The following SMTN variants were observed in gnomAD, a reference collection of about 807,000 sequenced individuals.
SMTN encodes the protein smoothelin.
In SMTN, 58 loss-of-function variants were observed where a neutral mutation model predicts 102.0. The observed-to-expected ratio is 0.57, with a 90% CI of 0.46 to 0.71. The LOEUF is 0.71. Ranked by LOEUF, SMTN falls within the 30% of genes least tolerant of loss-of-function variation. The probability of loss-of-function intolerance (pLI) is 0.00; values close to 1 mark genes in which losing one functional copy is unlikely to be tolerated. For missense variants in SMTN, 1,185 were observed against 1,241.7 expected (o/e 0.95, Z 0.69); for synonymous variants, 478 against 497.9 (o/e 0.96, Z 0.53).
chr22:31,073,478 A>C (rs2042056903), intron 1 of SMTN, among the ~76,000 whole-genome samples: 3 of 152,098 alleles, frequency 2.0e-5, no homozygotes, highest in Admixed American at 2.0e-4. Context: ...GCCTCCTTTG[A>C]TTTTCTGATT....
intron 11 of SMTN, among the ~76,000 whole-genome samples, chr22:31,094,770 C>G (rs931405354): frequency 6.6e-6 from 1 of 151,530 alleles, no homozygotes; most frequent in Admixed American, 6.6e-5. Flanking sequence ...CAGCCTCTAA[C>G]TCCTGGGCTC....
chr22:31,074,382 T>TA (rs199674178), intron 1 of SMTN, among the ~76,000 whole-genome samples: 4,643 of 151,450 alleles, frequency 0.031, 108 homozygotes, highest in Middle Eastern at 0.092. Flanking sequence ...TCTTAAAAAA[T>TA]AAAAAAGAGC....
chr22:31,080,727 G>C (rs537894487), upstream of SMTN: 1 of 152,402 alleles, frequency 6.6e-6, no homozygotes, highest in Admixed American at 6.5e-5. Context: ...GTAGAAGCAT[G>C]CTACAAGAAG....
chr22:31,087,582 C>T (rs1265611837), intron 2 of SMTN, among the ~76,000 whole-genome samples: 1 of 152,180 alleles, frequency 6.6e-6, no homozygotes, highest in Non-Finnish European at 1.5e-5. Context: ...CTCTAGGGAC[C>T]CTGTTAGTGA....
At position 31,090,980 on chromosome 22, in the gene SMTN, C is replaced by T. The variant is rs766142298; in HGVS notation, c.957C>T (p.Ser319=). 3.4e-5 allele frequency: 55 copies of T among 1,613,218 alleles called. No homozygotes were observed. The South Asian group carries it at 5.1e-4, about 15-fold the overall frequency. ...AQNRESTPLA[S]GPSSFQRAGS... ...TTCTAGAGTCCACCCCCCTTGCCAG[C>T]GGACCTTCCTCATTCCAGCGGGCTG... is the stretch of plus-strand genomic sequence containing the variant. The change falls in exon 10 of 21, where the codon AGC becomes AGT. Residue 319 remains serine (S), a synonymous_variant. Coordinates refer to ENST00000333137, the MANE Select transcript of SMTN (RefSeq NM_134269.3).
rs778333150 is a variant in SMTN, at chr22:31,092,344, G to T, written c.1632+497G>T. On this transcript the variant is annotated intron_variant, in intron 11 of 20. Transcript: ENST00000333137. ...CATCTGCGTCAACCTCCCTGTGGGG[G>T]TTGGGCAGAAGCTCTGAGGGGGGAC... The T allele has an allele frequency of 6.9e-6, 3 of 435,374 alleles. No individual in the cohort carries two copies. The Admixed American group carries it at 7.3e-5, about 11-fold the overall frequency. The allele number at this position is 435,374 out of a possible 1,614,324, so 27.0% of individuals were successfully genotyped here.
Position 31,088,774 on chromosome 22 carries a change from G to A in SMTN, c.370G>A (p.Glu124Lys), listed in dbSNP as rs1211527162. ...AIRRVRAQEI[E>K]AATLAGRLYS... is the part of the protein sequence containing the mutation. ...CCGCCGTGTACGGGCTCAGGAGATT[G>A]AGGGTATGTGGCCTGTCCCGGCCCC... is the stretch of plus-strand genomic sequence containing the variant. Residue 124 changes from glutamate to lysine, a missense_variant, in exon 5 of 21, where the codon GAG (glutamate) becomes AAG (lysine). Around this residue, in one of 2 missense-constraint regions of SMTN, gnomAD observed 1,096 missense variants for 1,112.7 expected, o/e 0.98. Transcript: ENST00000333137. 2 of 1,612,566 alleles carry A rather than the reference G, an allele frequency of 1.2e-6. No homozygotes were observed. Among genetic ancestry groups the A allele is most frequent in the Non-Finnish European group, 1.7e-6 (2 of 1,179,302 alleles).
At position 31,104,541 on chromosome 22, in the gene SMTN, C is replaced by A; in HGVS notation, c.*246C>A. The stretch of plus-strand genomic sequence containing the variant: ...CGGGCACCGTCTCCTGCCTGTGCGT[C>A]CGCCCACCGCTGCCCTGTCTGTTGC... On this transcript the variant is annotated 3_prime_UTR_variant, in exon 21 of 21. Coordinates refer to ENST00000333137, the MANE Select transcript of SMTN (RefSeq NM_134269.3). The A allele has an allele frequency of 6.8e-7, 1 of 1,464,500 alleles. No homozygotes were observed. Among genetic ancestry groups the A allele is most frequent in the Non-Finnish European group, 9.4e-7 (1 of 1,059,824 alleles). The allele number at this position is 1,464,500 out of a possible 1,614,324, so 90.7% of individuals were successfully genotyped here.
At chr22:31,100,863 C>G in intron 19 of SMTN, 22 bp from the exon 20 acceptor site, 1 of 601,916 alleles carries the variant, frequency 1.7e-6, no homozygotes, top group Non-Finnish European at 2.8e-6. Flanking sequence ...CCCACCCCTT[C>G]CCGGCCCCCT....
At chr22:31,091,528 C>A in intron 10 of SMTN, 46 bp downstream of exon 10, 1 of 1,512,980 alleles carries the variant, frequency 6.6e-7, no homozygotes, top group Non-Finnish European at 8.8e-7. Context: ...GTGCCTGCAA[C>A]CGCACTTCTG....
chr22:31,093,994 G>A (rs1462514996), intron 11 of SMTN: 10 of 722,620 alleles, frequency 1.4e-5, no homozygotes, highest in Non-Finnish European at 1.8e-5. Context: ...CAGGGGACTG[G>A]GGCACTAGTG....
At chr22:31,064,362 A>G (rs1481779325) in intron 1 of SMTN, 1 of 152,240 alleles carries the variant, frequency 6.6e-6, no homozygotes, top group Non-Finnish European at 1.5e-5. Context: ...TGGGTCTTGA[A>G]GCCGAGAATC....
intron 1 of SMTN, among the ~76,000 whole-genome samples, chr22:31,071,747 G>T (rs1419272224): frequency 2.7e-5 from 4 of 147,680 alleles, no homozygotes; most frequent in Non-Finnish European, 5.9e-5. Context: ...CCAATCTGGA[G>T]TGCAGTGGCA....
intron 1 of SMTN, chr22:31,066,665 C>T (rs1472445116): frequency 3.3e-5 from 5 of 152,242 alleles, no homozygotes; most frequent in African/African-American, 7.2e-5. Flanking sequence ...TGAGTGGACA[C>T]ACTTTAAAGT....
Position 31,089,794 on chromosome 22 carries a change from C to T in SMTN, c.567C>T (p.Leu189=), listed in dbSNP as rs376379170. 1.2e-6 allele frequency: 2 copies of T among 1,613,390 alleles called. No individual in the cohort carries two copies. Among genetic ancestry groups the T allele is most frequent in the African/African-American group, 1.3e-5 (1 of 74,912 alleles). Residue 189 remains leucine (L), a synonymous_variant, in exon 7 of 21, where the codon CTC becomes CTT. Coordinates refer to ENST00000333137, the MANE Select transcript of SMTN (RefSeq NM_134269.3). ...GCCAGGATGTGACCACAGTGACACT[C>T]CTGCTGCGAGCCCCACCTGGGAGCA... ...GTSQDVTTVT[L]LLRAPPGSTS...
intron 2 of SMTN, chr22:31,085,132 G>T: frequency 6.5e-7 from 1 of 1,535,414 alleles, no homozygotes; most frequent in Non-Finnish European, 8.7e-7. Flanking sequence ...CCACCCGCCG[G>T]GACGCCCTCT....
chr22:31,085,176 A>G (rs1241615064), intron 2 of SMTN: 1 of 1,535,352 alleles, frequency 6.5e-7, no homozygotes. Context: ...GACCTCCGCC[A>G]CTCAGCTGGG....
chr22:31,081,306 G>C (rs561669116), upstream of SMTN: 171 of 152,404 alleles, frequency 1.1e-3, 2 homozygotes, highest in African/African-American at 3.9e-3. Flanking sequence ...GCGGCTGGAC[G>C]GGCAGCTCTC....
Position 31,104,566 on chromosome 22 carries a change from C to T in SMTN, c.*271C>T. On this transcript the variant is annotated 3_prime_UTR_variant, in exon 21 of 21. Transcript: ENST00000333137. ...CCGCCCACCGCTGCCCTGTCTGTTG[C>T]GACACCCTCCCCCCCACATACACAC... 1.7e-6 allele frequency: 2 copies of T among 1,176,846 alleles called. No individual in the cohort carries two copies. The highest frequency in any genetic ancestry group is 1.8e-5 in the Admixed American group (1 of 55,532). The allele number at this position is 1,176,846 out of a possible 1,614,324, so 72.9% of individuals were successfully genotyped here.
Sources: gnomAD v4.1 joint callset for allele counts (sites outside exome capture counted in the v4.1 genomes callset) on GRCh38, gnomAD v4.1.1 for gene constraint, gnomAD v4.1.1 regional missense constraint, MANE v1.5 for transcripts, NCBI Gene and HGNC (gene_info 2026-07-23, HGNC 2026-07-21) for gene names.